The following TNNI3K variants were observed in gnomAD, a reference collection of about 807,000 sequenced individuals.
TNNI3K encodes the protein TNNI3 interacting kinase.
In TNNI3K, 140 loss-of-function variants were observed where a neutral mutation model predicts 114.5. That is an observed-to-expected ratio of 1.22 (90% CI 1.07 to 1.41). The LOEUF is 1.41. TNNI3K is among the 40% of genes most tolerant of loss of function. The pLI is 0.00. For synonymous variants in TNNI3K, 347 were observed against 347.5 expected, an observed-to-expected ratio of 1.00 and a Z score of 0.02; for missense variants, 1,125 against 1,007.6, an observed-to-expected ratio of 1.12 and a Z score of -1.58.
intron 7 of TNNI3K, among the ~76,000 whole-genome samples, chr1:74,338,622 T>C (rs1045815896): frequency 2.6e-5 from 4 of 152,094 alleles, no homozygotes; most frequent in African/African-American, 9.7e-5. Context: ...TGCCAGTTCC[T>C]TGGTTCAAAA....
At position 74,489,200 on chromosome 1, in the gene TNNI3K, A is replaced by T; in HGVS notation, c.2133A>T (p.Glu711Asp). Residue 711 changes from glutamate to aspartate, a missense_variant, in exon 22 of 25, where the codon GAA (glutamate) becomes GAT (aspartate). Coordinates refer to ENST00000326637, the MANE Select transcript of TNNI3K (RefSeq NM_015978.3). The stretch of plus-strand genomic sequence containing the variant: ...TTTTCTATTTACAGGGAAGACCCGA[A>T]TTTTCTGAAGTTGTCATGAAGTTAG... ...GWNACPEGRP[E>D]FSEVVMKLEE... 6.2e-7 allele frequency: 1 copy of T among 1,611,192 alleles called. No homozygotes were observed. Among genetic ancestry groups the T allele is most frequent in the East Asian group, 2.2e-5 (1 of 44,688 alleles).
chr1:74,456,931 CAG>C (rs1380122210), intron 20 of TNNI3K, among the ~76,000 whole-genome samples: 4 of 152,114 alleles, frequency 2.6e-5, no homozygotes, highest in African/African-American at 9.7e-5. Context: ...TTTAAAGACA[CAG>C]ATATTCAATA....
At chr1:74,450,452 C>T (rs534743929) in intron 20 of TNNI3K, among the ~76,000 whole-genome samples, 3 of 152,118 alleles carry the variant, frequency 2.0e-5, no homozygotes, top group South Asian at 2.1e-4. Context: ...AAGAAGCTAT[C>T]GTCAGAGTGA....
intron 4 of TNNI3K, among the ~76,000 whole-genome samples, chr1:74,255,603 TTTG>T (rs1484636734): frequency 4.6e-5 from 7 of 152,222 alleles, no homozygotes; most frequent in African/African-American, 1.2e-4. Context: ...TTTGTTTTAG[TTTG>T]TTGAGTTTTT....
chr1:74,296,227 G>C (rs1269763455), intron 5 of TNNI3K, among the ~76,000 whole-genome samples: 1 of 151,018 alleles, frequency 6.6e-6, no homozygotes, highest in Non-Finnish European at 1.5e-5. Flanking sequence ...AGTGAGCGGA[G>C]ATCGCGCCAC....
At chr1:74,350,882 C>T (rs990135995) in intron 9 of TNNI3K, among the ~76,000 whole-genome samples, 1 of 151,846 alleles carries the variant, frequency 6.6e-6, no homozygotes, top group African/African-American at 2.4e-5. Flanking sequence ...GATGGGTTTC[C>T]TGAATACAGC....
chr1:74,499,583 A>T (rs985735650), intron 23 of TNNI3K, among the ~76,000 whole-genome samples: 2 of 152,158 alleles, frequency 1.3e-5, no homozygotes, highest in African/African-American at 4.8e-5. Context: ...ATTCAGTAAT[A>T]TCTCCAGTTT....
At chr1:74,497,564 G>A (rs1443374603) in intron 23 of TNNI3K, among the ~76,000 whole-genome samples, 2 of 147,286 alleles carry the variant, frequency 1.4e-5, no homozygotes, top group Non-Finnish European at 1.5e-5. Context: ...CCACATACAT[G>A]CACACACACA....
intron 23 of TNNI3K, among the ~76,000 whole-genome samples, chr1:74,497,567 C>T (rs1399178860): frequency 6.7e-6 from 1 of 149,002 alleles, no homozygotes; most frequent in Non-Finnish European, 1.5e-5. Context: ...CATACATGCA[C>T]ACACACACAC....
At chr1:74,442,332 C>T (rs12086842) in intron 20 of TNNI3K, among the ~76,000 whole-genome samples, 1,702 of 152,080 alleles carry the variant, frequency 0.011, 30 homozygotes, top group East Asian at 0.056. Flanking sequence ...TGTGTCTACC[C>T]TTAAATCAAT....
intron 17 of TNNI3K, among the ~76,000 whole-genome samples, chr1:74,432,074 G>T (rs1665926926): frequency 6.6e-6 from 1 of 152,090 alleles, no homozygotes; most frequent in African/African-American, 2.4e-5. Flanking sequence ...GTATGTGTGT[G>T]TGTGTGTGTG....
chr1:74,273,387 G>A (rs1277790117), intron 5 of TNNI3K, among the ~76,000 whole-genome samples: 2 of 151,890 alleles, frequency 1.3e-5, no homozygotes, highest in Non-Finnish European at 2.9e-5. Flanking sequence ...AAGAAACTGA[G>A]GCCAGTGATA....
chr1:74,432,641 G>C (rs1442882523), intron 17 of TNNI3K, among the ~76,000 whole-genome samples: 1 of 152,024 alleles, frequency 6.6e-6, no homozygotes. Context: ...CTTTACCTTG[G>C]TGGAACAGAG....
At chr1:74,491,060 T>C (rs1005530162) in intron 22 of TNNI3K, among the ~76,000 whole-genome samples, 1 of 152,218 alleles carries the variant, frequency 6.6e-6, no homozygotes, top group Non-Finnish European at 1.5e-5. Flanking sequence ...GTTGTGTCTG[T>C]GAGCCTTTTA....
At chr1:74,512,257 T>C (rs534222482) in intron 23 of TNNI3K, among the ~76,000 whole-genome samples, 66 of 152,274 alleles carry the variant, frequency 4.3e-4, no homozygotes, top group Middle Eastern at 6.8e-3. Context: ...GATAATATGG[T>C]AATCTAGATG....
intron 4 of TNNI3K, among the ~76,000 whole-genome samples, chr1:74,260,233 G>C (rs1280284404): frequency 6.6e-6 from 1 of 152,066 alleles, no homozygotes; most frequent in Admixed American, 6.5e-5. Flanking sequence ...TCAAATGTTG[G>C]TCTGTGAACT....
intron 23 of TNNI3K, among the ~76,000 whole-genome samples, chr1:74,513,821 A>G (rs1256026208): frequency 6.6e-6 from 1 of 152,212 alleles, no homozygotes; most frequent in Non-Finnish European, 1.5e-5. Context: ...TCAAAGTTTC[A>G]CAAAAAGGAG....
At chr1:74,236,349 A>T (rs922528322) in intron 2 of TNNI3K, 139 bp downstream of exon 2, 2 of 632,674 alleles carry the variant, frequency 3.2e-6, no homozygotes, top group African/African-American at 1.9e-5. Flanking sequence ...ATGTCAGATT[A>T]TCTCTCTTTG....
In TNNI3K at chr1:74,281,012, G is replaced by A. The variant is rs79954924; in HGVS notation, c.444+9304G>A. ...TAAACTAAAGCAACTAGCAGACTCC[G>A]GAAGCCCTCTCCTGATTCCAGGCCC... On this transcript the variant is annotated intron_variant, in intron 5 of 24. Transcript: ENST00000326637. 6.4e-3 allele frequency among the ~76,000 whole-genome samples: 972 copies of A among 152,208 alleles called. 11 individuals carry two copies. The highest frequency in any genetic ancestry group is 0.022 in the African/African-American group (924 of 41,520).
Sources: allele counts gnomAD v4.1 joint callset (sites outside exome capture counted in the v4.1 genomes callset), GRCh38; gene constraint gnomAD v4.1.1; transcripts MANE v1.5; gene names NCBI Gene and HGNC (gene_info 2026-07-23, HGNC 2026-07-21).